Variants in SHMT1 observed in about 807,000 individuals in gnomAD.
SHMT1 encodes the protein serine hydroxymethyltransferase, cytosolic.
In SHMT1, 45 loss-of-function variants were observed where a neutral mutation model predicts 49.0. That is an observed-to-expected ratio of 0.92 (90% CI 0.72 to 1.18). The LOEUF (loss-of-function observed/expected upper bound fraction) is 1.18, where lower values mean the gene tolerates loss of function less well. SHMT1 is among the 50% of genes most tolerant of loss of function. The probability of loss-of-function intolerance (pLI) is 0.00; values close to 1 mark genes in which losing one functional copy is unlikely to be tolerated. For missense variants in SHMT1, 541 were observed against 612.4 expected (o/e 0.88, Z 1.23); for synonymous variants, 232 against 246.6 (o/e 0.94, Z 0.55).
intron 3 of SHMT1, among the ~76,000 whole-genome samples, chr17:18,349,928 G>A (rs866154901): frequency 6.6e-6 from 1 of 152,060 alleles, no homozygotes; most frequent in African/African-American, 2.4e-5. Context: ...GCTGAGGTAG[G>A]AGAATTGCTT....
In SHMT1 at chr17:18,328,610, A is replaced by C; in HGVS notation, c.*140T>G. On this transcript the variant is annotated 3_prime_UTR_variant, in exon 12 of 12. Coordinates refer to ENST00000316694, the MANE Select transcript of SHMT1 (RefSeq NM_004169.5). ...TTTGATTTGTGAAGAAAACATGAAA[A>C]AAGTCCAAAAGAAACCCCCTCAAAG... is the stretch of plus-strand genomic sequence containing the variant. The C allele has an allele frequency of 1.2e-6, 1 of 848,116 alleles. No individual in the cohort carries two copies. Among genetic ancestry groups the C allele is most frequent in the South Asian group, 1.7e-5 (1 of 60,466 alleles). 52.5% of individuals were successfully genotyped at this position (848,116 alleles called of 1,614,324 possible). A position where few individuals can be genotyped will look rare whatever the true frequency, so the allele number is the denominator to read the frequency against.
At chr17:18,330,739 G>C (rs1365516199) in intron 9 of SHMT1, 68 bp from the exon 10 acceptor site, 3 of 1,161,046 alleles carry the variant, frequency 2.6e-6, no homozygotes, top group African/African-American at 1.5e-5. Flanking sequence ...TCTGAGAAAC[G>C]AAGGCGAGGA....
At chr17:18,350,410 C>G (rs1985563211) in intron 3 of SHMT1, among the ~76,000 whole-genome samples, 1 of 152,042 alleles carries the variant, frequency 6.6e-6, no homozygotes, top group African/African-American at 2.4e-5. Context: ...ATATGGAAGG[C>G]TCAGGTGGGA....
In SHMT1 at chr17:18,328,640, C is replaced by T. The variant is rs756615430; in HGVS notation, c.*110G>A. On this transcript the variant is annotated 3_prime_UTR_variant, in exon 12 of 12. Coordinates refer to ENST00000316694, the MANE Select transcript of SHMT1 (RefSeq NM_004169.5). ...CCAAAAGAAACCCCCTCAAAGGGCC[C>T]GAGTGTCAACAGTTCCCCTTTGGAG... 468 of 1,220,816 alleles carry T rather than the reference C, an allele frequency of 3.8e-4. No individual in the cohort carries two copies. The highest frequency in any genetic ancestry group is 5.0e-4 in the Non-Finnish European group (435 of 863,438). 75.6% of individuals were successfully genotyped at this position (1,220,816 alleles called of 1,614,324 possible).
intron 10 of SHMT1, 63 bp from the exon 11 acceptor site, chr17:18,329,451 T>C: frequency 7.5e-7 from 1 of 1,327,314 alleles, no homozygotes; most frequent in Non-Finnish European, 1.1e-6. Context: ...GTGGTGCATT[T>C]AAAAAGGGAC....
intron 5 of SHMT1, among the ~76,000 whole-genome samples, chr17:18,346,897 C>T (rs1355241207): frequency 6.6e-6 from 1 of 152,150 alleles, no homozygotes; most frequent in Admixed American, 6.5e-5. Flanking sequence ...CAGCTAATAA[C>T]GCATGTCACT....
At chr17:18,346,100 T>C (rs1484817446) in intron 5 of SHMT1, among the ~76,000 whole-genome samples, 2 of 152,096 alleles carry the variant, frequency 1.3e-5, no homozygotes, top group African/African-American at 4.8e-5. Flanking sequence ...AAGAAATGAC[T>C]GCAAAAAAGA....
At chr17:18,362,066 G>A (rs1247060042) in intron 1 of SHMT1, among the ~76,000 whole-genome samples, 1 of 152,116 alleles carries the variant, frequency 6.6e-6, no homozygotes, top group Non-Finnish European at 1.5e-5. Context: ...ATCTGCTCAG[G>A]GAACTAACTT....
In SHMT1 at chr17:18,340,812, AC is replaced by A. The variant is rs1567778930; in HGVS notation, c.520del (p.Val174Ter). 1 of 1,612,778 alleles carries A rather than the reference AC, an allele frequency of 6.2e-7. No individual in the cohort carries two copies. The highest frequency in any genetic ancestry group is 8.5e-7 in the Non-Finnish European group (1 of 1,179,418). The part of the protein sequence containing the change: ...SIFFESMPYK[V>X]NPDTGYINYD... ...GTTGATGTAGCCAGTATCTGGGTTC[AC>A]CTGTGGAATGTCAGGGAGGCAGGTT... On this transcript the variant is annotated frameshift_variant and splice_region_variant, in exon 6 of 12. Coordinates refer to ENST00000316694, the MANE Select transcript of SHMT1 (RefSeq NM_004169.5). LOFTEE classifies it high-confidence loss of function. The surrounding 1 kb of genome is among the most constrained non-coding windows in gnomAD (Gnocchi z 4.5).
chr17:18,356,846 G>A (rs980059575), intron 1 of SHMT1, among the ~76,000 whole-genome samples: 2 of 151,970 alleles, frequency 1.3e-5, no homozygotes, highest in Admixed American at 6.6e-5. Flanking sequence ...CCCACCTGCA[G>A]GGAGCCCAAC....
chr17:18,335,739 C>A (rs956741200), intron 7 of SHMT1, 64 bp from the exon 8 acceptor site: 3 of 1,138,614 alleles, frequency 2.6e-6, no homozygotes, highest in Admixed American at 1.7e-5. Context: ...TTTTTAGGCT[C>A]AAACCCAGAC....
chr17:18,344,681 A>G (rs757280492), intron 5 of SHMT1, among the ~76,000 whole-genome samples: 13 of 151,698 alleles, frequency 8.6e-5, no homozygotes, highest in Non-Finnish European at 1.8e-4. Flanking sequence ...AAAATGAGAC[A>G]AGAGAACAAC....
At chr17:18,349,918 G>A (rs1391363550) in intron 3 of SHMT1, among the ~76,000 whole-genome samples, 1 of 152,080 alleles carries the variant, frequency 6.6e-6, no homozygotes, top group Non-Finnish European at 1.5e-5. Context: ...TATTGAGGAG[G>A]CTGAGGTAGG....
chr17:18,333,312 C>A, intron 8 of SHMT1, 24 bp from the exon 9 acceptor site: 1 of 1,611,026 alleles, frequency 6.2e-7, no homozygotes, highest in South Asian at 1.1e-5. Flanking sequence ...GACAATGGGT[C>A]AGGAGGCTAG....
At chr17:18,358,476 G>T (rs561368797) in intron 1 of SHMT1, among the ~76,000 whole-genome samples, 38 of 152,160 alleles carry the variant, frequency 2.5e-4, no homozygotes, top group African/African-American at 8.4e-4. Context: ...AACAGAGCGA[G>T]ACTCTGTCTC....
chr17:18,339,137 G>A, intron 7 of SHMT1, among the ~76,000 whole-genome samples: 1 of 149,536 alleles, frequency 6.7e-6, no homozygotes, highest in East Asian at 2.0e-4. Flanking sequence ...GGCGCATCAG[G>A]TCTCACCACA....
chr17:18,337,559 C>CCCTCT (rs1983930307), intron 7 of SHMT1, among the ~76,000 whole-genome samples: 1 of 71,272 alleles, frequency 1.4e-5, no homozygotes, highest in Non-Finnish European at 2.9e-5. Flanking sequence ...CCTCTCCCTC[C>CCCTCT]CCCTCCCCCT....
chr17:18,362,334 CTTTT>C (rs1348436617), intron 1 of SHMT1, among the ~76,000 whole-genome samples: 8 of 151,532 alleles, frequency 5.3e-5, no homozygotes, highest in Middle Eastern at 3.4e-3. Flanking sequence ...CTCTTTCTTT[CTTTT>C]GAGATAGAGT....
intron 3 of SHMT1, among the ~76,000 whole-genome samples, chr17:18,350,456 G>C (rs1985566560): frequency 6.6e-6 from 1 of 151,798 alleles, no homozygotes; most frequent in African/African-American, 2.4e-5. Flanking sequence ...AACCAGCCTG[G>C]GCAACACAGC....
Sources: gnomAD v4.1 joint callset for allele counts (sites outside exome capture counted in the v4.1 genomes callset) on GRCh38, gnomAD v4.1.1 for gene constraint, Gnocchi (gnomAD v3.1) non-coding constraint, MANE v1.5 for transcripts, NCBI Gene and HGNC (gene_info 2026-07-23, HGNC 2026-07-21) for gene names.